Variants in VRK2 observed in about 807,000 individuals in gnomAD.
The protein encoded by VRK2 is serine/threonine-protein kinase VRK2.
Under a neutral mutation model 57.6 loss-of-function variants are expected in VRK2, and 60 were observed. That is an observed-to-expected ratio of 1.04 (90% CI 0.85 to 1.29). The LOEUF (loss-of-function observed/expected upper bound fraction) is 1.29, where lower values mean the gene tolerates loss of function less well. Among genes scored for constraint, VRK2 ranks in the 50% most tolerant of loss-of-function variants. The pLI is 0.00. For synonymous variants in VRK2, 231 were observed against 199.2 expected, an observed-to-expected ratio of 1.16 and a Z score of -1.35; for missense variants, 705 against 588.1, an observed-to-expected ratio of 1.20 and a Z score of -2.06.
intron 8 of VRK2, 134 bp downstream of exon 8, chr2:58,123,367 T>C: frequency 9.2e-7 from 1 of 1,090,478 alleles, no homozygotes; most frequent in Non-Finnish European, 1.3e-6. Flanking sequence ...TTATCAAAAG[T>C]AATGAATTCC....
Position 58,159,812 on chromosome 2 carries a change from G to T in VRK2, c.*119G>T. 6.2e-7 allele frequency: 1 copy of T among 1,612,122 alleles called. No individual in the cohort carries two copies. ...TTTAAGGTAATTGGCTTTAAAAAGA[G>T]AACATATTTTAACAAAGTTTGTGGA... On this transcript the variant is annotated 3_prime_UTR_variant, in exon 13 of 13. Transcript: ENST00000340157.
rs1205278004 is a variant in VRK2, at chr2:58,084,281, A to G, written c.186+143A>G. 5 of 834,836 alleles carry G rather than the reference A, an allele frequency of 6.0e-6. No individual in the cohort carries two copies. In the Admixed American group the frequency reaches 1.0e-4, roughly 17 times the overall value. 51.7% of individuals were successfully genotyped at this position (834,836 alleles called of 1,614,324 possible). On this transcript the variant is annotated intron_variant, in intron 3 of 12. Coordinates refer to ENST00000340157, the MANE Select transcript of VRK2 (RefSeq NM_006296.7). Reference sequence around the variant, plus strand: ...TCATCTGTTTTGACGTTGTTAAAACATTAAAACTGGAGAACCTTTGTTTTT... The same window carrying G: ...TCATCTGTTTTGACGTTGTTAAAACGTTAAAACTGGAGAACCTTTGTTTTT...
At chr2:57,961,537 T>G (rs1460471933) in intron 1 of VRK2, among the ~76,000 whole-genome samples, 1 of 152,120 alleles carries the variant, frequency 6.6e-6, no homozygotes, top group African/African-American at 2.4e-5. Flanking sequence ...TGCATGCTAC[T>G]AACCACCATG....
At chr2:58,086,188 C>A in intron 4 of VRK2, 151 bp from the exon 5 acceptor site, 2 of 577,840 alleles carry the variant, frequency 3.5e-6, no homozygotes, top group South Asian at 2.4e-5. Flanking sequence ...CAGTTTGAGG[C>A]CATTAGATAG....
intron 1 of VRK2, among the ~76,000 whole-genome samples, chr2:57,942,630 G>C (rs1163731377): frequency 6.6e-6 from 1 of 151,824 alleles, no homozygotes; most frequent in East Asian, 1.9e-4. Flanking sequence ...TAAAATTGAT[G>C]CTAACTTTAT....
In VRK2 at chr2:58,136,907, A is replaced by ATAT. The variant is rs1553421765; in HGVS notation, c.856+1709_856+1711dup. 4.7e-4 allele frequency among the ~76,000 whole-genome samples: 60 copies of ATAT among 127,582 alleles called. 3 individuals are homozygous for ATAT. Among genetic ancestry groups the ATAT allele is most frequent in the East Asian group, 2.3e-3 (11 of 4,764 alleles). 83.7% of individuals were successfully genotyped at this position (127,582 alleles called of 152,430 possible). ...TCATATATATGTGTATATATATCAT[A>ATAT]TATATATCATATATGTGTATATATC... On this transcript the variant is annotated intron_variant, in intron 10 of 12. Coordinates refer to ENST00000340157, the MANE Select transcript of VRK2 (RefSeq NM_006296.7).
intron 1 of VRK2, among the ~76,000 whole-genome samples, chr2:58,018,656 C>T (rs1673657988): frequency 6.6e-6 from 1 of 152,194 alleles, no homozygotes; most frequent in South Asian, 2.1e-4. Flanking sequence ...ATAGTGACCA[C>T]TGTGGAGAAA....
intron 1 of VRK2, among the ~76,000 whole-genome samples, chr2:57,991,972 A>T (rs968312635): frequency 7.9e-5 from 12 of 151,496 alleles, no homozygotes; most frequent in Admixed American, 3.9e-4. Flanking sequence ...AAAAAAAAAA[A>T]TTTGATTTGT....
At chr2:57,936,278 T>C (rs989265322) in intron 1 of VRK2, among the ~76,000 whole-genome samples, 2 of 152,248 alleles carry the variant, frequency 1.3e-5, no homozygotes, top group African/African-American at 4.8e-5. Flanking sequence ...ACCAGTCATT[T>C]ATTTAATTTT....
intron 7 of VRK2, among the ~76,000 whole-genome samples, chr2:58,109,096 G>A (rs1439891297): frequency 2.6e-5 from 4 of 151,716 alleles, no homozygotes; most frequent in Non-Finnish European, 5.9e-5. Context: ...TGGCACTCAG[G>A]TATCTGTTAA....
intron 1 of VRK2, chr2:58,047,355 G>T: frequency 1.1e-6 from 1 of 903,594 alleles, no homozygotes; most frequent in Non-Finnish European, 1.3e-6. Flanking sequence ...TCGTGTTGAG[G>T]ACTCATCTTA....
chr2:58,028,351 C>T (rs1193870876), intron 2 of VRK2: 1 of 152,084 alleles, frequency 6.6e-6, no homozygotes, highest in Non-Finnish European at 1.5e-5. Context: ...TTTCTTAATC[C>T]AGTCTATCAT....
intron 12 of VRK2, among the ~76,000 whole-genome samples, chr2:58,149,133 C>CTTCTCTGCATTTATGTGGAAA (rs769810421): frequency 1.6e-3 from 236 of 151,836 alleles, no homozygotes; most frequent in Non-Finnish European, 2.4e-3. Context: ...AAACCTGGTA[C>CTTCTCTGCATTTATGTGGAAA]TTCTCTGCAT....
chr2:57,936,664 T>A (rs1215203135), intron 1 of VRK2, among the ~76,000 whole-genome samples: 2 of 152,024 alleles, frequency 1.3e-5, no homozygotes, highest in Non-Finnish European at 2.9e-5. Context: ...ATATTTCCTG[T>A]TGTATTTATT....
rs920640944 is a variant in VRK2 at position 57,939,200 on chromosome 2, A to G, written c.-439+31361A>G. Among the ~76,000 whole-genome samples the G allele has an allele frequency of 8.5e-5, 13 of 152,188 alleles. No individual in the cohort carries two copies. The East Asian group carries it at 2.5e-3, about 29-fold the overall frequency. On this transcript the variant is annotated intron_variant, in intron 1 of 15. Transcript: ENST00000417641. ...ATATTTTCAGAAACAACTTTACACC[A>G]CTTTATTTAAGCCTCCATTTTGTGC...
At position 58,084,868 on chromosome 2, in the gene VRK2, C is replaced by A. The variant is rs780599541; in HGVS notation, c.187-13C>A. ...TTTTTTTCTAGTAAAATTAATTATT[C>A]TTTTTTTTATAGGAATATCAAGAAA... On this transcript the variant is annotated splice_polypyrimidine_tract_variant and intron_variant, in intron 3 of 12. Coordinates refer to ENST00000340157, the MANE Select transcript of VRK2 (RefSeq NM_006296.7). The A allele has an allele frequency of 2.7e-6, 4 of 1,472,002 alleles. No homozygotes were observed. The highest frequency in any genetic ancestry group is 2.1e-5 in the Admixed American group (1 of 48,142). 91.2% of individuals were successfully genotyped at this position (1,472,002 alleles called of 1,614,324 possible).
At chr2:58,081,857 C>CGTGTGTGTGTGT (rs369430200) in intron 2 of VRK2, among the ~76,000 whole-genome samples, 38 of 142,208 alleles carry the variant, frequency 2.7e-4, no homozygotes, top group African/African-American at 2.5e-4. Flanking sequence ...ATACCATGTC[C>CGTGTGTGTGTGT]GTGTGTGTGT....
intron 2 of VRK2, among the ~76,000 whole-genome samples, chr2:58,071,833 T>C (rs895532290): frequency 6.6e-6 from 1 of 152,046 alleles, no homozygotes; most frequent in African/African-American, 2.4e-5. Flanking sequence ...CTTGTGTTTT[T>C]ATTAGTATTG....
chr2:58,085,270 C>T (rs893950441), intron 4 of VRK2, among the ~76,000 whole-genome samples: 3 of 151,672 alleles, frequency 2.0e-5, no homozygotes, highest in African/African-American at 7.3e-5. Context: ...TTACAGTAAA[C>T]CATTTGGATA....
Sources: gnomAD v4.1 joint callset for allele counts (sites outside exome capture counted in the v4.1 genomes callset) on GRCh38, gnomAD v4.1.1 for gene constraint, MANE v1.5 for transcripts, NCBI Gene and HGNC (gene_info 2026-07-23, HGNC 2026-07-21) for gene names.